Variants in ZNF385D observed in about 807,000 individuals in gnomAD.
ZNF385D encodes zinc finger protein 659.
ZNF385D carries 15 observed loss-of-function variants against 35.8 expected under a neutral mutation model. The ratio of observed to expected loss-of-function variants is 0.42; its 90% CI spans 0.28 to 0.64. ZNF385D has a LOEUF of 0.64. Among genes scored for constraint, ZNF385D ranks in the 30% least tolerant of loss-of-function variants. The probability of loss-of-function intolerance (pLI) is 0.23; values close to 1 mark genes in which losing one functional copy is unlikely to be tolerated. For missense variants in ZNF385D, 474 were observed against 494.6 expected, an observed-to-expected ratio of 0.96 and a Z score of 0.39; for synonymous variants, 212 against 186.8, an observed-to-expected ratio of 1.13 and a Z score of -1.10.
At chr3:22,178,732 G>A (rs373029867) in intron 2 of ZNF385D, among the ~76,000 whole-genome samples, 16 of 152,170 alleles carry the variant, frequency 1.1e-4, no homozygotes, top group African/African-American at 3.4e-4. Flanking sequence ...TAACATGTAA[G>A]TCTTTAATTA....
chr3:21,787,896 CG>C (rs2071759278), intron 3 of ZNF385D, among the ~76,000 whole-genome samples: 1 of 134,186 alleles, frequency 7.5e-6, no homozygotes, highest in Admixed American at 8.5e-5. Flanking sequence ...GAGGCGAGAT[CG>C]AGCCACTGCA....
intron 2 of ZNF385D, among the ~76,000 whole-genome samples, chr3:22,171,506 A>T (rs888511762): frequency 1.3e-5 from 2 of 152,180 alleles, no homozygotes; most frequent in African/African-American, 2.4e-5. Flanking sequence ...TTTAAAAGGA[A>T]ATAGAAAATA....
chr3:21,898,003 A>G (rs1699219396), intron 3 of ZNF385D, among the ~76,000 whole-genome samples: 1 of 152,166 alleles, frequency 6.6e-6, no homozygotes, highest in Non-Finnish European at 1.5e-5. Flanking sequence ...TTATCCACCT[A>G]GAGGTTTATT....
At chr3:21,690,502 T>G (rs76634265) in intron 1 of ZNF385D, among the ~76,000 whole-genome samples, 2,333 of 152,220 alleles carry the variant, frequency 0.015, 76 homozygotes, top group African/African-American at 0.053. Flanking sequence ...CAACTTAACT[T>G]CTTAATTTTA....
chr3:21,961,139 A>G lies in ZNF385D; in HGVS notation c.325+207678T>C, dbSNP rs1702565493. 1.3e-5 allele frequency among the ~76,000 whole-genome samples: 2 copies of G among 152,256 alleles called. 1 individual carries two copies. Among genetic ancestry groups the G allele is most frequent in the East Asian group, 3.9e-4 (2 of 5,186 alleles). The stretch of plus-strand genomic sequence containing the variant: ...TTAATTATCCTGATTTGAGTATTAT[A>G]CACTGTATACATGTATAAAAATATC... On this transcript the variant is annotated intron_variant, in intron 3 of 5. Coordinates refer to the ZNF385D transcript ENST00000494108.
At chr3:22,169,367 G>T (rs1419450769) in intron 2 of ZNF385D, among the ~76,000 whole-genome samples, 1 of 152,124 alleles carries the variant, frequency 6.6e-6, no homozygotes, top group African/African-American at 2.4e-5. Context: ...TAAACAACTT[G>T]TCTAAGGTCA....
intron 3 of ZNF385D, among the ~76,000 whole-genome samples, chr3:22,006,503 T>G (rs913429632): frequency 1.3e-5 from 2 of 152,042 alleles, no homozygotes; most frequent in African/African-American, 4.8e-5. Flanking sequence ...AATAATTATC[T>G]CTTTTTGATT....
intron 2 of ZNF385D, among the ~76,000 whole-genome samples, chr3:22,319,891 T>G (rs924523424): frequency 3.3e-5 from 5 of 152,188 alleles, no homozygotes; most frequent in South Asian, 4.1e-4. Context: ...GCATTTTCCT[T>G]TAAGTGTACC....
intron 2 of ZNF385D, among the ~76,000 whole-genome samples, chr3:22,265,360 G>C (rs549724379): frequency 6.6e-6 from 1 of 151,902 alleles, no homozygotes; most frequent in Non-Finnish European, 1.5e-5. Context: ...ACACTTAAGC[G>C]ATCATCATGA....
At chr3:22,161,269 A>T (rs958439750) in intron 3 of ZNF385D, among the ~76,000 whole-genome samples, 1 of 152,094 alleles carries the variant, frequency 6.6e-6, no homozygotes, top group Non-Finnish European at 1.5e-5. Context: ...TGTACAAACA[A>T]TATTTCTTAT....
chr3:22,158,888 T>G (rs1486246387), intron 3 of ZNF385D, among the ~76,000 whole-genome samples: 1 of 152,064 alleles, frequency 6.6e-6, no homozygotes, highest in African/African-American at 2.4e-5. Flanking sequence ...TCACCTTTAT[T>G]ACTACTAGCT....
rs564440674 is a variant in ZNF385D, at chr3:21,437,090, T to G, written c.553A>C (p.Thr185Pro). 1.2e-6 allele frequency: 2 copies of G among 1,614,016 alleles called. No individual in the cohort carries two copies. The highest frequency in any genetic ancestry group is 1.7e-6 in the Non-Finnish European group (2 of 1,179,910). Residue 185 changes from threonine to proline, a missense_variant, in exon 5 of 8, where the codon ACT (threonine) becomes CCT (proline). Transcript: ENST00000281523. ...SKVEKSPTTA[T>P]GNSSCPSTET... The stretch of plus-strand genomic sequence containing the variant: ...GTAGAAGGACATGAGCTATTGCCAG[T>G]GGCTGTCGTTGGGCTTTTTTCCACT...
chr3:22,312,097 C>T (rs1703589635), intron 2 of ZNF385D, among the ~76,000 whole-genome samples: 1 of 152,088 alleles, frequency 6.6e-6, no homozygotes, highest in African/African-American at 2.4e-5. Flanking sequence ...CTCAATCGGG[C>T]AAAATTGCCT....
chr3:21,992,853 G>A (rs1235946131), intron 3 of ZNF385D, among the ~76,000 whole-genome samples: 2 of 152,234 alleles, frequency 1.3e-5, no homozygotes, highest in East Asian at 3.9e-4. Context: ...ATCTTCATGT[G>A]TAAATCTTAG....
chr3:21,584,697 T>C (rs539314329), intron 2 of ZNF385D, among the ~76,000 whole-genome samples: 1 of 152,310 alleles, frequency 6.6e-6, no homozygotes, highest in African/African-American at 2.4e-5. Context: ...AAATAATGTG[T>C]TTTTATCTTG....
chr3:22,031,335 G>C (rs917550632), intron 3 of ZNF385D, among the ~76,000 whole-genome samples: 2 of 152,208 alleles, frequency 1.3e-5, no homozygotes, highest in Non-Finnish European at 2.9e-5. Flanking sequence ...CTCTGCCCCT[G>C]CAGCAGGCTT....
chr3:21,740,820 GTTC>G (rs34859206), intron 1 of ZNF385D, among the ~76,000 whole-genome samples: 17,035 of 152,198 alleles, frequency 0.11, 1,053 homozygotes, highest in African/African-American at 0.16. Context: ...CATCTCAGTG[GTTC>G]TTAATTCTGG....
intron 1 of ZNF385D, among the ~76,000 whole-genome samples, chr3:21,695,662 C>G (rs2067445001): frequency 6.6e-6 from 1 of 152,012 alleles, no homozygotes; most frequent in Non-Finnish European, 1.5e-5. Flanking sequence ...TTGACCTCAG[C>G]CAGTCATCAA....
intron 3 of ZNF385D, among the ~76,000 whole-genome samples, chr3:21,550,202 T>C (rs1356868488): frequency 6.6e-6 from 1 of 152,156 alleles, no homozygotes; most frequent in Non-Finnish European, 1.5e-5. Flanking sequence ...CAACCATTAT[T>C]GGTTTTTGTT....
Sources: allele counts gnomAD v4.1 joint callset (sites outside exome capture counted in the v4.1 genomes callset), GRCh38; gene constraint gnomAD v4.1.1; transcripts MANE v1.5; gene names NCBI Gene and HGNC (gene_info 2026-07-23, HGNC 2026-07-21).